MEIKIN: variants seen among roughly 807,000 people sequenced by gnomAD.
MEIKIN encodes meiosis-specific kinetochore protein.
At chr5:131,833,695 G>C (rs530143779) in intron 11 of MEIKIN, among the ~76,000 whole-genome samples, 1 of 151,534 alleles carries the variant, frequency 6.6e-6, no homozygotes, top group South Asian at 2.1e-4. Context: ...CACGAGTATA[G>C]CATGGGAAAG....
intron 8 of MEIKIN, among the ~76,000 whole-genome samples, chr5:131,894,689 G>C (rs1437458381): frequency 6.6e-6 from 1 of 152,142 alleles, no homozygotes; most frequent in Non-Finnish European, 1.5e-5. Context: ...CTCATGATTT[G>C]GCTCCCTGTT....
chr5:131,945,300 G>A (rs927303186), intron 1 of MEIKIN, 51 bp from the exon 2 acceptor site: 2 of 398,964 alleles, frequency 5.0e-6, no homozygotes, highest in South Asian at 1.3e-4. Flanking sequence ...ACCGGCTTCG[G>A]GGGGGTCCTG....
chr5:131,912,709 G>C (rs1304868109), intron 7 of MEIKIN, among the ~76,000 whole-genome samples: 1 of 152,058 alleles, frequency 6.6e-6, no homozygotes, highest in Admixed American at 6.6e-5. Context: ...TGAACTTTCA[G>C]GTAGATTTCT....
chr5:131,828,204 T>C (rs981652520), intron 11 of MEIKIN, among the ~76,000 whole-genome samples: 3 of 152,086 alleles, frequency 2.0e-5, no homozygotes, highest in African/African-American at 4.8e-5. Flanking sequence ...CAGGCTGGAA[T>C]GCAGTGGCAC....
intron 11 of MEIKIN, among the ~76,000 whole-genome samples, chr5:131,849,053 C>T (rs981467839): frequency 6.6e-6 from 1 of 152,128 alleles, no homozygotes; most frequent in Non-Finnish European, 1.5e-5. Context: ...TTGAAGGAAA[C>T]TACTTCAACA....
intron 11 of MEIKIN, among the ~76,000 whole-genome samples, chr5:131,833,073 CCTTT>C (rs1346391654): frequency 6.6e-6 from 1 of 152,212 alleles, no homozygotes; most frequent in East Asian, 1.9e-4. Flanking sequence ...ATGGGATTTT[CCTTT>C]CTATCAAACT....
At chr5:131,807,562 C>G (rs550313857) in intron 12 of MEIKIN, among the ~76,000 whole-genome samples, 13 of 152,334 alleles carry the variant, frequency 8.5e-5, no homozygotes, top group African/African-American at 2.4e-4. Context: ...TTAACCCCAG[C>G]CTTGTAACCT....
intron 8 of MEIKIN, among the ~76,000 whole-genome samples, chr5:131,882,045 A>C (rs1197742844): frequency 1.3e-5 from 2 of 152,158 alleles, no homozygotes; most frequent in African/African-American, 4.8e-5. Flanking sequence ...CCAATTTCTC[A>C]AGAATTTAAT....
intron 8 of MEIKIN, among the ~76,000 whole-genome samples, chr5:131,890,033 G>A (rs1313055038): frequency 6.6e-6 from 1 of 152,110 alleles, no homozygotes; most frequent in Non-Finnish European, 1.5e-5. Context: ...TTCGTATGTT[G>A]AACCAGCCCT....
At chr5:131,823,426 A>T (rs1749556238) in intron 11 of MEIKIN, among the ~76,000 whole-genome samples, 1 of 151,850 alleles carries the variant, frequency 6.6e-6, no homozygotes, top group South Asian at 2.1e-4. Flanking sequence ...GCCAGTCTTA[A>T]GCTCACTAAT....
chr5:131,824,089 C>T (rs978834539), intron 11 of MEIKIN, among the ~76,000 whole-genome samples: 1 of 152,200 alleles, frequency 6.6e-6, no homozygotes, highest in Non-Finnish European at 1.5e-5. Context: ...TGACCACCAC[C>T]AATGGGACTA....
At chr5:131,839,917 CT>C (rs1181077885) in intron 11 of MEIKIN, among the ~76,000 whole-genome samples, 2 of 152,100 alleles carry the variant, frequency 1.3e-5, no homozygotes, top group African/African-American at 4.8e-5. Flanking sequence ...ATTATTCAGA[CT>C]TGTTTGTGTG....
At chr5:131,825,871 G>C (rs905011715) in intron 11 of MEIKIN, among the ~76,000 whole-genome samples, 1 of 152,022 alleles carries the variant, frequency 6.6e-6, no homozygotes, top group Non-Finnish European at 1.5e-5. Flanking sequence ...TATACTATTA[G>C]GACAACTGTA....
chr5:131,885,211 A>G (rs988941965), intron 8 of MEIKIN, among the ~76,000 whole-genome samples: 10 of 152,052 alleles, frequency 6.6e-5, no homozygotes, highest in African/African-American at 4.8e-5. Context: ...ATTAGTTACA[A>G]TGAGCCTTGG....
At chr5:131,904,739 C>T (rs1751216283) in intron 8 of MEIKIN, among the ~76,000 whole-genome samples, 1 of 152,150 alleles carries the variant, frequency 6.6e-6, no homozygotes, top group African/African-American at 2.4e-5. Context: ...TTGGAACCAA[C>T]CCAAATGCCC....
intron 8 of MEIKIN, among the ~76,000 whole-genome samples, chr5:131,906,002 T>C (rs1243057942): frequency 6.6e-6 from 1 of 152,078 alleles, no homozygotes; most frequent in East Asian, 1.9e-4. Context: ...CAAAAGAAAT[T>C]GCTATGAGAG....
intron 11 of MEIKIN, among the ~76,000 whole-genome samples, chr5:131,845,496 A>G (rs935793061): frequency 7.2e-5 from 11 of 151,836 alleles, no homozygotes; most frequent in African/African-American, 2.7e-4. Flanking sequence ...AAAAACTTTA[A>G]AACAATTCTC....
At chr5:131,878,484 A>G (rs1750651764) in intron 9 of MEIKIN, among the ~76,000 whole-genome samples, 1 of 151,984 alleles carries the variant, frequency 6.6e-6, no homozygotes, top group Admixed American at 6.6e-5. Context: ...GGAGAATGGC[A>G]TGAACCCAGG....
intron 12 of MEIKIN, among the ~76,000 whole-genome samples, chr5:131,810,181 T>G (rs1377300074): frequency 6.6e-6 from 1 of 152,248 alleles, no homozygotes; most frequent in Non-Finnish European, 1.5e-5. Flanking sequence ...TGTGTGATAC[T>G]TCTGCCTGCT....
Sources: allele counts gnomAD v4.1 joint callset (sites outside exome capture counted in the v4.1 genomes callset), GRCh38; gene constraint gnomAD v4.1.1; transcripts MANE v1.5; gene names NCBI Gene and HGNC (gene_info 2026-07-23, HGNC 2026-07-21).